NCOA3: variants seen among roughly 807,000 people sequenced by gnomAD.
The protein encoded by NCOA3 is nuclear receptor coactivator 3, also known as CBP-interacting protein.
NCOA3 carries 51 observed loss-of-function variants against 158.8 expected under a neutral mutation model. The observed-to-expected ratio is 0.32, with a 90% confidence interval of 0.26 to 0.41. NCOA3 has a LOEUF of 0.41. Among genes scored for constraint, NCOA3 ranks in the 10% least tolerant of loss-of-function variants. NCOA3 has a pLI of 1.00. For missense variants in NCOA3, 1,510 were observed against 1,746.6 expected, an observed-to-expected ratio of 0.86 and a Z score of 2.41; for synonymous variants, 537 against 592.4, an observed-to-expected ratio of 0.91 and a Z score of 1.36.
Position 47,555,783 on chromosome 20 carries a change from C to T in NCOA3, c.-98-27400C>T, listed in dbSNP as rs184143715. Among the ~76,000 whole-genome samples, 357 of 151,196 alleles carry T rather than the reference C, an allele frequency of 2.4e-3. 1 individual carries two copies. The highest frequency in any genetic ancestry group is 8.0e-3 in the African/African-American group (330 of 41,208). On this transcript the variant is annotated intron_variant, in intron 1 of 22. Transcript: ENST00000371998. ...CCTCCCGAGTAGCTGGGACTATAGG[C>T]GCCTGCCACCATGCCCGGCTGATTT... is the stretch of plus-strand genomic sequence containing the variant.
intron 1 of NCOA3, among the ~76,000 whole-genome samples, chr20:47,521,059 G>A (rs2084324138): frequency 6.6e-6 from 1 of 152,210 alleles, no homozygotes; most frequent in African/African-American, 2.4e-5. Flanking sequence ...GGCTCCCACG[G>A]CTTCTCCTTC....
At chr20:47,523,397 A>G (rs954182155) in intron 1 of NCOA3, among the ~76,000 whole-genome samples, 1 of 152,112 alleles carries the variant, frequency 6.6e-6, no homozygotes, top group Admixed American at 6.5e-5. Flanking sequence ...TGGCCTGTCC[A>G]TGTGTGGTTC....
intron 2 of NCOA3, among the ~76,000 whole-genome samples, chr20:47,604,065 A>C (rs779567531): frequency 3.9e-5 from 6 of 152,124 alleles, no homozygotes; most frequent in Non-Finnish European, 8.8e-5. Flanking sequence ...TTTGTAAACT[A>C]GGTTGTAGAT....
At position 47,525,368 on chromosome 20, in the gene NCOA3, A is replaced by G. The variant is rs1213736539; in HGVS notation, c.-99+23349A>G. ...AGACACGGCAACCATCCGATTTCTC[A>G]ATCTTTTCCCCACCTTTCCCCCCTT... On this transcript the variant is annotated intron_variant, in intron 1 of 22. Coordinates refer to ENST00000371998, the MANE Select transcript of NCOA3 (RefSeq NM_181659.3). Among the ~76,000 whole-genome samples, 6 of 150,074 alleles carry G rather than the reference A, an allele frequency of 4.0e-5. No homozygotes were observed. The South Asian group carries it at 6.3e-4, about 16-fold the overall frequency.
intron 1 of NCOA3, among the ~76,000 whole-genome samples, chr20:47,536,193 T>G (rs149299501): frequency 9.0e-4 from 137 of 152,318 alleles, no homozygotes; most frequent in African/African-American, 2.8e-3. Flanking sequence ...GCACTCACCA[T>G]GTACCCTACT....
chr20:47,537,648 C>CA (rs1445003809), intron 1 of NCOA3, among the ~76,000 whole-genome samples: 4 of 150,184 alleles, frequency 2.7e-5, no homozygotes, highest in Non-Finnish European at 5.9e-5. Context: ...GGCACGATCT[C>CA]AGCTCACTGG....
At chr20:47,543,511 CTTT>C (rs773919016) in intron 1 of NCOA3, among the ~76,000 whole-genome samples, 1 of 145,272 alleles carries the variant, frequency 6.9e-6, no homozygotes, top group African/African-American at 2.5e-5. Context: ...TCTTCTTCTT[CTTT>C]TTTTTTTTTC....
At chr20:47,565,988 A>T (rs2085187872) in intron 1 of NCOA3, among the ~76,000 whole-genome samples, 1 of 151,984 alleles carries the variant, frequency 6.6e-6, no homozygotes, top group Non-Finnish European at 1.5e-5. Flanking sequence ...ATTTTTTTTT[A>T]TTTGATGCTG....
At chr20:47,507,770 C>T (rs376817940) in intron 1 of NCOA3, among the ~76,000 whole-genome samples, 18 of 152,082 alleles carry the variant, frequency 1.2e-4, no homozygotes, top group African/African-American at 4.1e-4. Flanking sequence ...AGGCATGTGC[C>T]ACTACACCTG....
At chr20:47,603,792 G>A (rs1219948738) in intron 2 of NCOA3, among the ~76,000 whole-genome samples, 1 of 152,188 alleles carries the variant, frequency 6.6e-6, no homozygotes, top group Non-Finnish European at 1.5e-5. Context: ...TCTCTGCCGT[G>A]CCATTCTGCC....
At chr20:47,524,512 A>G (rs1464654135) in intron 1 of NCOA3, among the ~76,000 whole-genome samples, 5 of 152,184 alleles carry the variant, frequency 3.3e-5, no homozygotes. Flanking sequence ...GGGGAACACC[A>G]GGGTTCTTGG....
At chr20:47,631,963 A>G (rs1476415548) in intron 8 of NCOA3, among the ~76,000 whole-genome samples, 4 of 152,186 alleles carry the variant, frequency 2.6e-5, no homozygotes, top group African/African-American at 9.7e-5. Flanking sequence ...TCTGTCTGAC[A>G]TAAGCTGGGT....
chr20:47,591,121 CAA>C (rs2146238920), intron 2 of NCOA3, among the ~76,000 whole-genome samples: 1 of 152,014 alleles, frequency 6.6e-6, no homozygotes, highest in South Asian at 2.1e-4. Context: ...AGACAAAAAA[CAA>C]AAGACAAAAG....
At chr20:47,585,046 C>CTTTTTTTTTATTTTTTTTT (rs2085513656) in intron 2 of NCOA3, among the ~76,000 whole-genome samples, 1 of 91,344 alleles carries the variant, frequency 1.1e-5, no homozygotes, top group African/African-American at 5.1e-5. Flanking sequence ...CCTTTCTTAA[C>CTTTTTTTTTATTTTTTTTT]TTTTTTTTTT....
At chr20:47,505,800 C>CTTT (rs11434305) in intron 1 of NCOA3, among the ~76,000 whole-genome samples, 37 of 119,128 alleles carry the variant, frequency 3.1e-4, no homozygotes, top group South Asian at 5.3e-4. Flanking sequence ...GCATTTTCTC[C>CTTT]TTTTTTTTTT....
At chr20:47,550,299 T>C (rs2084908591) in intron 1 of NCOA3, among the ~76,000 whole-genome samples, 1 of 151,532 alleles carries the variant, frequency 6.6e-6, no homozygotes, top group Admixed American at 6.6e-5. Context: ...ACAAAATTAG[T>C]CGGGCATGGA....
At chr20:47,637,596 A>T (rs2086536226) in intron 12 of NCOA3, 52 bp from the exon 13 acceptor site, 3 of 1,451,718 alleles carry the variant, frequency 2.1e-6, no homozygotes, top group Non-Finnish European at 2.8e-6. Flanking sequence ...GTATGTTTAT[A>T]CCTGTGTGTC....
At chr20:47,517,448 T>C (rs544297283) in intron 1 of NCOA3, among the ~76,000 whole-genome samples, 1 of 144,624 alleles carries the variant, frequency 6.9e-6, no homozygotes, top group Non-Finnish European at 1.5e-5. Flanking sequence ...CTTTTTTCTT[T>C]TTCTTTTTTT....
rs980942815 is a variant in NCOA3 at position 47,639,744 on chromosome 20, C to T, written c.2875C>T (p.Pro959Ser). The T allele has an allele frequency of 6.2e-7, 1 of 1,614,168 alleles. No homozygotes were observed. The highest frequency in any genetic ancestry group is 2.2e-5 in the East Asian group (1 of 44,882). ...LPRPALGGSIPTLPLRSNSIP... is the reference protein window; with the variant it reads ...LPRPALGGSISTLPLRSNSIP... ...CAGACCTGCACTGGGTGGCTCTATT[C>T]CCACATTGCCTCTTCGGTCTAATAG... is the stretch of plus-strand genomic sequence containing the variant. Residue 959 changes from proline to serine, a missense_variant, in exon 15 of 23, where the codon CCC (proline) becomes TCC (serine). Physicochemically the swap from Pro to Ser is moderately conservative, Grantham distance 74. Transcript: ENST00000371998.
Sources: gnomAD v4.1 joint callset for allele counts (sites outside exome capture counted in the v4.1 genomes callset) on GRCh38, gnomAD v4.1.1 for gene constraint, MANE v1.5 for transcripts, NCBI Gene and HGNC (gene_info 2026-07-23, HGNC 2026-07-21) for gene names.